The following ATP6V1A variants were observed in gnomAD, a reference collection of about 807,000 sequenced individuals.
The protein encoded by ATP6V1A is V-type proton ATPase catalytic subunit A.
Under a neutral mutation model 70.1 loss-of-function variants are expected in ATP6V1A, and 18 were observed. That is an observed-to-expected ratio of 0.26 (90% CI 0.18 to 0.38). ATP6V1A has a LOEUF of 0.38. Ranked by LOEUF, ATP6V1A falls within the 10% of genes least tolerant of loss-of-function variation. The pLI, the probability that ATP6V1A is intolerant of heterozygous loss-of-function variation, is 1.00. For synonymous variants in ATP6V1A, 232 were observed against 253.8 expected, an observed-to-expected ratio of 0.91 and a Z score of 0.82; for missense variants, 424 against 772.4, an observed-to-expected ratio of 0.55 and a Z score of 5.35.
chr3:113,766,538 T>C (rs1708773621), intron 1 of ATP6V1A, among the ~76,000 whole-genome samples: 1 of 152,164 alleles, frequency 6.6e-6, no homozygotes, highest in Admixed American at 6.5e-5. Flanking sequence ...CATGCAATCC[T>C]TCTGCCTTAG....
At position 113,750,128 on chromosome 3, in the gene ATP6V1A, T is replaced by G. The variant is rs552788324; in HGVS notation, c.-14+3015T>G. 8.5e-5 allele frequency among the ~76,000 whole-genome samples: 13 copies of G among 152,282 alleles called. No homozygotes were observed. In the East Asian group the frequency reaches 2.3e-3, roughly 27 times the overall value. On this transcript the variant is annotated intron_variant, in intron 1 of 14. Coordinates refer to ENST00000273398, the MANE Select transcript of ATP6V1A (RefSeq NM_001690.4). The stretch of plus-strand genomic sequence containing the variant: ...AGTTATATGTCCTTTTACGTAATGC[T>G]GGGGAGGGGTTCAGGTTTGATACTT...
chr3:113,756,505 T>C (rs553381728), intron 1 of ATP6V1A, among the ~76,000 whole-genome samples: 2 of 152,262 alleles, frequency 1.3e-5, no homozygotes, highest in South Asian at 2.1e-4. Context: ...CTTGGGTCTT[T>C]GGAAGGTGTG....
intron 1 of ATP6V1A, among the ~76,000 whole-genome samples, chr3:113,759,909 G>A (rs191616738): frequency 1.3e-5 from 2 of 152,252 alleles, no homozygotes; most frequent in Non-Finnish European, 1.5e-5. Flanking sequence ...AAGCAGAGGC[G>A]GTCCCTGTTT....
chr3:113,788,494 C>T (rs902351805), intron 6 of ATP6V1A, among the ~76,000 whole-genome samples: 8 of 151,468 alleles, frequency 5.3e-5, no homozygotes, highest in Admixed American at 1.3e-4. Flanking sequence ...ACCACATGCC[C>T]GGCTAATTTT....
At chr3:113,749,595 A>G (rs981548811) in intron 1 of ATP6V1A, among the ~76,000 whole-genome samples, 1 of 151,996 alleles carries the variant, frequency 6.6e-6, no homozygotes, top group Non-Finnish European at 1.5e-5. Context: ...CATCTTTTCT[A>G]TTCTTCTACT....
At chr3:113,765,078 G>T (rs894455887) in intron 1 of ATP6V1A, among the ~76,000 whole-genome samples, 1 of 146,574 alleles carries the variant, frequency 6.8e-6, no homozygotes, top group Non-Finnish European at 1.5e-5. Flanking sequence ...TAAAATAATT[G>T]ACCAGAAATT....
intron 1 of ATP6V1A, among the ~76,000 whole-genome samples, chr3:113,750,761 A>G (rs1708577006): frequency 6.6e-6 from 1 of 152,206 alleles, no homozygotes; most frequent in African/African-American, 2.4e-5. Flanking sequence ...ACTGATAACT[A>G]CTTTGATTTT....
chr3:113,803,761 A>T (rs998301161), intron 13 of ATP6V1A, 84 bp downstream of exon 13: 2 of 1,023,416 alleles, frequency 2.0e-6, no homozygotes, highest in African/African-American at 1.6e-5. Flanking sequence ...ACCCTTTTTT[A>T]TTCTCATACA....
intron 12 of ATP6V1A, among the ~76,000 whole-genome samples, chr3:113,801,926 AAAAAAAC>A (rs1032407854): frequency 2.0e-5 from 3 of 151,838 alleles, no homozygotes; most frequent in Non-Finnish European, 2.9e-5. Context: ...TACAAAAAAA[AAAAAAAC>A]AAAACTGGAG....
chr3:113,754,700 C>T (rs1483423305), intron 1 of ATP6V1A, among the ~76,000 whole-genome samples: 1 of 152,094 alleles, frequency 6.6e-6, no homozygotes, highest in Non-Finnish European at 1.5e-5. Flanking sequence ...GGATCTGTCA[C>T]CTGACTTAAT....
At chr3:113,753,848 A>C (rs1047257808) in intron 1 of ATP6V1A, among the ~76,000 whole-genome samples, 1 of 151,970 alleles carries the variant, frequency 6.6e-6, no homozygotes, top group Non-Finnish European at 1.5e-5. Context: ...GGTGTGCACC[A>C]CCACACCTGG....
intron 8 of ATP6V1A, among the ~76,000 whole-genome samples, chr3:113,791,861 ACAAAGCACTCTTGCTT>A (rs1175065061): frequency 7.6e-6 from 1 of 131,488 alleles, no homozygotes; most frequent in Non-Finnish European, 1.7e-5. Context: ...AGTGTTCCAA[ACAAAGCACTCTTGCTT>A]TGTTTGGAAA....
At chr3:113,781,677 C>T (rs563390778) in intron 3 of ATP6V1A, among the ~76,000 whole-genome samples, 2 of 152,314 alleles carry the variant, frequency 1.3e-5, no homozygotes, top group African/African-American at 4.8e-5. Context: ...AATTGGTACT[C>T]TTATTTTAAG....
At chr3:113,787,769 A>C (rs1443685454) in intron 6 of ATP6V1A, among the ~76,000 whole-genome samples, 1 of 152,196 alleles carries the variant, frequency 6.6e-6, no homozygotes, top group East Asian at 1.9e-4. Flanking sequence ...AATGGCAAAA[A>C]CCGATATCAT....
At chr3:113,767,868 G>A (rs967823866) in intron 1 of ATP6V1A, among the ~76,000 whole-genome samples, 5 of 152,170 alleles carry the variant, frequency 3.3e-5, no homozygotes, top group African/African-American at 9.7e-5. Flanking sequence ...GGCCAGGCAA[G>A]TCTTGAACTC....
chr3:113,792,834 A>G (rs1323868121), intron 8 of ATP6V1A, among the ~76,000 whole-genome samples: 1 of 152,244 alleles, frequency 6.6e-6, no homozygotes, highest in African/African-American at 2.4e-5. Context: ...AGTTGAAAGA[A>G]TGTTACAGTG....
intron 1 of ATP6V1A, among the ~76,000 whole-genome samples, chr3:113,758,573 A>T (rs574867466): frequency 6.6e-6 from 1 of 152,284 alleles, no homozygotes; most frequent in East Asian, 1.9e-4. Context: ...TTGTTTATCC[A>T]TTCACCCATT....
chr3:113,752,561 A>G (rs1708599469), intron 1 of ATP6V1A, among the ~76,000 whole-genome samples: 1 of 152,060 alleles, frequency 6.6e-6, no homozygotes, highest in African/African-American at 2.4e-5. Context: ...CATCTTAACT[A>G]CTTGGATATC....
At chr3:113,752,539 A>G (rs1708598624) in intron 1 of ATP6V1A, among the ~76,000 whole-genome samples, 3 of 152,038 alleles carry the variant, frequency 2.0e-5, no homozygotes. Context: ...TAAGGCACCT[A>G]AATAATTCTT....
Sources: gnomAD v4.1 joint callset for allele counts (sites outside exome capture counted in the v4.1 genomes callset) on GRCh38, gnomAD v4.1.1 for gene constraint, MANE v1.5 for transcripts, NCBI Gene and HGNC (gene_info 2026-07-23, HGNC 2026-07-21) for gene names.